Variants in RTN4 observed in about 807,000 individuals in gnomAD.
The protein encoded by RTN4 is reticulon-4.
RTN4 carries 32 observed loss-of-function variants against 90.4 expected under a neutral mutation model. The ratio of observed to expected loss-of-function variants is 0.35; its 90% CI spans 0.27 to 0.48. RTN4 has a LOEUF of 0.48. RTN4 is among the 20% of genes least tolerant of loss of function. The pLI is 0.99. For synonymous variants in RTN4, 629 were observed against 552.5 expected (o/e 1.14, Z -1.94); for missense variants, 1,706 against 1,430.2 (o/e 1.19, Z -3.11).
intron 3 of RTN4, among the ~76,000 whole-genome samples, chr2:55,018,852 T>C (rs1353626849): frequency 6.6e-6 from 1 of 152,164 alleles, no homozygotes; most frequent in Non-Finnish European, 1.5e-5. Context: ...TGACCACAAC[T>C]AGCATCTAGC....
At position 55,025,595 on chromosome 2, in the gene RTN4, A is replaced by G. The variant is rs1166507604; in HGVS notation, c.2504T>C (p.Leu835Pro). The G allele has an allele frequency of 3.7e-6, 6 of 1,613,420 alleles. No homozygotes were observed. The Admixed American group carries it at 1.0e-4, about 27-fold the overall frequency. The change falls in exon 3 of 9, where the codon CTC (leucine) becomes CCC (proline). Residue 835 changes from leucine (L) to proline (P), a missense_variant. By Grantham distance (98) the Leu-to-Pro change is moderately conservative (BLOSUM62 -3). Transcript: ENST00000337526. The stretch of plus-strand genomic sequence containing the variant: ...ATCATTTGAATAAACTGCAGTACTG[A>G]GCTCCTCCATCTGCAAAGGAATTTT... ...KEKIPLQMEE[L>P]STAVYSNDDL...
chr2:54,973,828 C>A lies in RTN4; in HGVS notation c.3470G>T (p.Arg1157Leu), dbSNP rs199865440. ...SLFSVPVIYE[R>L]HQAQIDHYLG... ...AGTTAGTTAGGAAATTACCTGATGC[C>A]GTTCATAAATAACAGGAACACTGAA... is the stretch of plus-strand genomic sequence containing the variant. The change falls in exon 7 of 9, where the codon CGG becomes CTG. Residue 1157 changes from arginine (R) to leucine (L), a missense_variant. By Grantham distance (102) the Arg-to-Leu change is moderately radical. Coordinates refer to ENST00000337526, the MANE Select transcript of RTN4 (RefSeq NM_020532.5). 12 of 1,613,126 alleles carry A rather than the reference C, an allele frequency of 7.4e-6. No individual in the cohort carries two copies. Among genetic ancestry groups the A allele is most frequent in the South Asian group, 2.2e-5 (2 of 90,858 alleles).
intron 6 of RTN4, 59 bp from the exon 7 acceptor site, chr2:54,973,926 ACT>A: frequency 2.1e-6 from 3 of 1,416,608 alleles, no homozygotes; most frequent in Non-Finnish European, 3.0e-6. Context: ...AGGAATAAAC[ACT>A]CAAAAAACTA....
At chr2:55,110,467 T>C (rs1668018041) in intron 1 of RTN4, among the ~76,000 whole-genome samples, 1 of 152,032 alleles carries the variant, frequency 6.6e-6, no homozygotes, top group Non-Finnish European at 1.5e-5. Context: ...GTTACAATAA[T>C]ATCAAAACAA....
intron 2 of RTN4, among the ~76,000 whole-genome samples, chr2:55,058,117 G>A (rs910359931): frequency 1.4e-4 from 21 of 152,180 alleles, no homozygotes; most frequent in African/African-American, 5.1e-4. Flanking sequence ...AGGCCTCAGG[G>A]ACTGATTCAT....
intron 1 of RTN4, among the ~76,000 whole-genome samples, chr2:55,092,518 G>A (rs1668957533): frequency 6.6e-6 from 1 of 152,176 alleles, no homozygotes; most frequent in Non-Finnish European, 1.5e-5. Context: ...ACAGGCGTGA[G>A]CCACCGTGCC....
intron 1 of RTN4, among the ~76,000 whole-genome samples, chr2:55,091,117 G>A (rs1668927664): frequency 6.6e-6 from 1 of 152,216 alleles, no homozygotes. Flanking sequence ...GCCACCAGTG[G>A]CCTTTTCACT....
upstream of RTN4, among the ~76,000 whole-genome samples, chr2:55,055,712 G>A (rs960460107): frequency 2.6e-5 from 4 of 151,674 alleles, no homozygotes; most frequent in African/African-American, 9.7e-5. Context: ...AGCGCTTGCA[G>A]TGAGCAGAGA....
chr2:55,063,858 C>T (rs1668345185), intron 2 of RTN4, among the ~76,000 whole-genome samples: 1 of 150,138 alleles, frequency 6.7e-6, no homozygotes, highest in Non-Finnish European at 1.5e-5. Flanking sequence ...CCAGCCTGGG[C>T]AACAGGGGGA....
chr2:55,125,312 AACAGAATGGGAGAAACCT>A, the RTN4 span, among the ~76,000 whole-genome samples: 1 of 152,180 alleles, frequency 6.6e-6, no homozygotes, highest in African/African-American at 2.4e-5. Context: ...ATCAATGGTA[AACAGAATGGGAGAAACCT>A]ACAGAATGGG....
chr2:55,011,545 C>T (rs1332966650), intron 3 of RTN4, among the ~76,000 whole-genome samples: 1 of 152,046 alleles, frequency 6.6e-6, no homozygotes, highest in Non-Finnish European at 1.5e-5. Flanking sequence ...AGATACGTAG[C>T]CTATGTACAA....
At position 54,972,607 on chromosome 2, in the gene RTN4, T is replaced by C. The variant is rs1677155418; in HGVS notation, c.*549A>G. On this transcript the variant is annotated 3_prime_UTR_variant, in exon 9 of 9. Coordinates refer to ENST00000337526, the MANE Select transcript of RTN4 (RefSeq NM_020532.5). ...TAAGCTTTGTGAAACACTATACATA[T>C]ATAATCTATATTTACTTATATTGGC... 2.0e-5 allele frequency: 3 copies of C among 152,568 alleles called. No homozygotes were observed. The highest frequency in any genetic ancestry group is 7.2e-5 in the African/African-American group (3 of 41,426). 9.5% of individuals were successfully genotyped at this position (152,568 alleles called of 1,614,324 possible). A position where few individuals can be genotyped will look rare whatever the true frequency, so the allele number is the denominator to read the frequency against.
intron 3 of RTN4, among the ~76,000 whole-genome samples, chr2:55,022,252 T>A (rs1332717792): frequency 6.6e-6 from 1 of 152,158 alleles, no homozygotes; most frequent in Non-Finnish European, 1.5e-5. Context: ...TCCTTGCTCT[T>A]CACCCAGTCA....
intron 1 of RTN4, among the ~76,000 whole-genome samples, chr2:55,041,863 A>C (rs1277444414): frequency 6.6e-6 from 1 of 152,080 alleles, no homozygotes; most frequent in Non-Finnish European, 1.5e-5. Flanking sequence ...AAGTCATAAA[A>C]GAAAATGATA....
intron 1 of RTN4, chr2:55,049,159 C>A: frequency 1.0e-6 from 1 of 986,208 alleles, no homozygotes; most frequent in Non-Finnish European, 1.2e-6. Context: ...TCAATGTGGA[C>A]GTTTTCCACT....
At chr2:55,043,049 G>A (rs1573461318) in intron 1 of RTN4, among the ~76,000 whole-genome samples, 2 of 152,100 alleles carry the variant, frequency 1.3e-5, no homozygotes, top group Non-Finnish European at 1.5e-5. Context: ...CTCCTCCTTT[G>A]GGGTTAAAAA....
chr2:55,057,987 A>T (rs1481257664), intron 2 of RTN4, among the ~76,000 whole-genome samples: 1 of 152,172 alleles, frequency 6.6e-6, no homozygotes, highest in Non-Finnish European at 1.5e-5. Flanking sequence ...TATCTCAAAA[A>T]TAAAATAAAT....
chr2:55,122,882 G>A, the RTN4 span, among the ~76,000 whole-genome samples: 4 of 152,366 alleles, frequency 2.6e-5, no homozygotes, highest in African/African-American at 9.6e-5. Context: ...AACTGCCAGT[G>A]CTCAAGCAGT....
At chr2:55,018,883 C>T (rs1681228304) in intron 3 of RTN4, among the ~76,000 whole-genome samples, 2 of 152,160 alleles carry the variant, frequency 1.3e-5, no homozygotes, top group South Asian at 2.1e-4. Context: ...TAATACCTCA[C>T]TATTATGAAA....
Sources: gnomAD v4.1 joint callset for allele counts (sites outside exome capture counted in the v4.1 genomes callset) on GRCh38, gnomAD v4.1.1 for gene constraint, MANE v1.5 for transcripts, NCBI Gene and HGNC (gene_info 2026-07-23, HGNC 2026-07-21) for gene names.